The following SCN1A variants were observed in gnomAD, a reference collection of about 807,000 sequenced individuals.
The protein encoded by SCN1A is sodium voltage-gated channel alpha subunit 1, also known as sodium channel protein type 1 subunit alpha.
SCN1A carries 13 observed loss-of-function variants against 193.7 expected under a neutral mutation model. The ratio of observed to expected loss-of-function variants is 0.07; its 90% CI spans 0.04 to 0.11. The LOEUF (loss-of-function observed/expected upper bound fraction) is 0.11. Ranked by LOEUF, SCN1A falls within the 10% of genes least tolerant of loss-of-function variation. The pLI is 1.00. For synonymous variants in SCN1A, 781 were observed against 843.6 expected (o/e 0.93, Z 1.29); for missense variants, 1,432 against 2,451.1 (o/e 0.58, Z 8.78).
intron 2 of SCN1A, among the ~76,000 whole-genome samples, chr2:166,080,208 A>G (rs1432301584): frequency 6.6e-6 from 1 of 151,736 alleles, no homozygotes; most frequent in African/African-American, 2.4e-5. Context: ...ATGAAAATAC[A>G]TGTCACTAGA....
intron 2 of SCN1A, among the ~76,000 whole-genome samples, chr2:166,124,035 C>T (rs1021344758): frequency 2.0e-5 from 3 of 152,094 alleles, no homozygotes; most frequent in African/African-American, 7.2e-5. Flanking sequence ...TGTTTGCATG[C>T]CCCTCTCATC....
At chr2:166,079,611 G>C (rs1685292900) in intron 2 of SCN1A, among the ~76,000 whole-genome samples, 1 of 150,648 alleles carries the variant, frequency 6.6e-6, no homozygotes, top group Non-Finnish European at 1.5e-5. Context: ...CCATGAAGTT[G>C]TGTGAATGGA....
chr2:166,011,198 T>C lies in SCN1A; in HGVS notation c.3879+911A>G, dbSNP rs1413336308. On this transcript the variant is annotated intron_variant, in intron 22 of 28. Transcript: ENST00000674923. Reference sequence around the variant, plus strand: ...TTGCCTTTGTTCAGGGTCAAGGAAATATAATGCATTCATGATTCTTAGCTC... The same window carrying C: ...TTGCCTTTGTTCAGGGTCAAGGAAACATAATGCATTCATGATTCTTAGCTC... 2.0e-5 allele frequency among the ~76,000 whole-genome samples: 3 copies of C among 151,036 alleles called. No homozygotes were observed. In the East Asian group the frequency reaches 5.8e-4, roughly 29 times the overall value.
At chr2:166,141,319 TTATC>T (rs1692072539) in intron 1 of SCN1A, among the ~76,000 whole-genome samples, 1 of 104,990 alleles carries the variant, frequency 9.5e-6, no homozygotes, top group Non-Finnish European at 2.0e-5. Flanking sequence ...TTTTTTTTTT[TTATC>T]TTCTTTAGAA....
intron 2 of SCN1A, among the ~76,000 whole-genome samples, chr2:166,079,144 C>T (rs907234182): frequency 6.6e-6 from 1 of 151,446 alleles, no homozygotes; most frequent in African/African-American, 2.4e-5. Flanking sequence ...CTTATGTAGA[C>T]CTTCTATGTC....
upstream of SCN1A, among the ~76,000 whole-genome samples, chr2:166,128,663 C>A (rs919269094): frequency 6.6e-6 from 1 of 152,104 alleles, no homozygotes; most frequent in African/African-American, 2.4e-5. Flanking sequence ...GACTTTCAAC[C>A]CACTCTCAAT....
At chr2:166,099,005 A>G (rs886874026) in intron 2 of SCN1A, among the ~76,000 whole-genome samples, 1 of 152,216 alleles carries the variant, frequency 6.6e-6, no homozygotes, top group Non-Finnish European at 1.5e-5. Flanking sequence ...AATTAGAAAA[A>G]CTATTTGAAA....
At chr2:165,997,793 C>A (rs1690280565) in intron 26 of SCN1A, among the ~76,000 whole-genome samples, 1 of 151,016 alleles carries the variant, frequency 6.6e-6, no homozygotes, top group South Asian at 2.1e-4. Flanking sequence ...GAAAATGTTT[C>A]TTGATAATGA....
chr2:166,088,144 G>T (rs755630428), intron 2 of SCN1A, among the ~76,000 whole-genome samples: 4 of 151,714 alleles, frequency 2.6e-5, no homozygotes, highest in Non-Finnish European at 2.9e-5. Flanking sequence ...AAAATAATTG[G>T]TCAACCACCC....
At chr2:166,103,100 C>G (rs776913096) in intron 2 of SCN1A, among the ~76,000 whole-genome samples, 5 of 150,572 alleles carry the variant, frequency 3.3e-5, no homozygotes, top group Non-Finnish European at 5.9e-5. Context: ...GGTTTCTGTT[C>G]TAGAGGAGCA....
chr2:166,145,139 G>C (rs1692261230), intron 1 of SCN1A, among the ~76,000 whole-genome samples: 1 of 106,150 alleles, frequency 9.4e-6, no homozygotes, highest in Non-Finnish European at 1.9e-5. Flanking sequence ...CCTGGCCTAA[G>C]TAATTTTTTT....
intron 2 of SCN1A, among the ~76,000 whole-genome samples, chr2:166,117,133 A>G (rs1689957692): frequency 6.6e-6 from 1 of 152,198 alleles, no homozygotes; most frequent in Non-Finnish European, 1.5e-5. Context: ...ATTTATTTTC[A>G]AAAATTTGTC....
At position 166,012,184 on chromosome 2, in the gene SCN1A, A is replaced by G. The variant is rs143980709; in HGVS notation, c.3804T>C (p.Leu1268=). 2.3e-4 allele frequency: 372 copies of G among 1,610,484 alleles called. 1 individual carries two copies. The African/African-American group carries it at 4.6e-3, about 20-fold the overall frequency. ...VFTYIFILEM[L]LKWVAYGYQT... Reference sequence around the variant, plus strand: ...GATAGCCATATGCCACCCATTTTAGAAGCATTTCCAGAATGAAAATGTAAG... The same window carrying G: ...GATAGCCATATGCCACCCATTTTAGGAGCATTTCCAGAATGAAAATGTAAG... Residue 1268 remains leucine, a synonymous_variant, in exon 22 of 29, where the codon CTT becomes CTC. Coordinates refer to ENST00000674923, the MANE Select transcript of SCN1A (RefSeq NM_001165963.4).
chr2:166,047,872 T>TAA, intron 10 of SCN1A, 104 bp from the exon 11 acceptor site: 1 of 1,512,300 alleles, frequency 6.6e-7, no homozygotes, highest in Non-Finnish European at 9.1e-7. Context: ...TATTTCAAAA[T>TAA]AAAAGTTTGA....
intron 26 of SCN1A, 38 bp from the exon 27 acceptor site, chr2:165,996,155 C>T (rs201286095): frequency 7.8e-7 from 1 of 1,284,850 alleles, no homozygotes; most frequent in African/African-American, 1.5e-5. Context: ...AAAACTGTGT[C>T]CTTTTGTACA....
chr2:166,064,906 A>G lies in SCN1A; in HGVS notation c.265-6218T>C, dbSNP rs145437141. Among the ~76,000 whole-genome samples, 733 of 152,316 alleles carry G rather than the reference A, an allele frequency of 4.8e-3. 4 individuals are homozygous for G. The highest frequency in any genetic ancestry group is 7.9e-3 in the Non-Finnish European group (534 of 68,020). Reference sequence around the variant, plus strand: ...ATGATGAACAATACACAAAATGTAGAATATACTACTGGTTGGTTAAATTTA... The same window carrying G: ...ATGATGAACAATACACAAAATGTAGGATATACTACTGGTTGGTTAAATTTA... On this transcript the variant is annotated intron_variant, in intron 4 of 28. Coordinates refer to ENST00000674923, the MANE Select transcript of SCN1A (RefSeq NM_001165963.4).
chr2:166,045,219 C>T lies in SCN1A; in HGVS notation c.1486G>A (p.Glu496Lys). 1 of 1,614,148 alleles carries T rather than the reference C, an allele frequency of 6.2e-7. No homozygotes were observed. Among genetic ancestry groups the T allele is most frequent in the African/African-American group, 1.3e-5 (1 of 75,038 alleles). Residue 496 changes from glutamate (E) to lysine (K), a missense_variant, in exon 13 of 29, where the codon GAA becomes AAA. This residue lies in a region of SCN1A where 316 missense variants were observed against 362.1 expected (regional missense o/e 0.87). Coordinates refer to ENST00000674923, the MANE Select transcript of SCN1A (RefSeq NM_001165963.4). ...ASKLSSKSAK[E>K]RRNRRKKRKQ... is the part of the protein sequence containing the mutation. ...CTTTTCTTCCTCCGATTTCTTCTTT[C>T]CTTAGCACTCTTGGAACTCAACTTA... is the stretch of plus-strand genomic sequence containing the variant.
At position 165,991,392 on chromosome 2, in the gene SCN1A, A is replaced by C; in HGVS notation, c.5883T>G (p.Ile1961Met). ...TAATAGAGTTTTCATTTATTCTGTCAATTATCATGTCTTCTTTTATAAGAA... is the reference window on the plus strand; with the variant it reads ...TAATAGAGTTTTCATTTATTCTGTCCATTATCATGTCTTCTTTTATAAGAA... ...ANLLIKEDMI[I>M]DRINENSITE... Residue 1961 changes from isoleucine to methionine, a missense_variant, in exon 29 of 29, where the codon ATT (isoleucine) becomes ATG (methionine). Transcript: ENST00000674923. 6.2e-7 allele frequency: 1 copy of C among 1,613,644 alleles called. No individual in the cohort carries two copies. Among genetic ancestry groups the C allele is most frequent in the African/African-American group, 1.3e-5 (1 of 74,960 alleles).
intron 2 of SCN1A, among the ~76,000 whole-genome samples, chr2:166,108,621 G>A (rs1688954664): frequency 6.6e-6 from 1 of 152,036 alleles, no homozygotes; most frequent in Non-Finnish European, 1.5e-5. Context: ...GAGTATGATT[G>A]GTCAATTAAA....
Sources: gnomAD v4.1 joint callset for allele counts (sites outside exome capture counted in the v4.1 genomes callset) on GRCh38, gnomAD v4.1.1 for gene constraint, gnomAD v4.1.1 regional missense constraint, MANE v1.5 for transcripts, NCBI Gene and HGNC (gene_info 2026-07-23, HGNC 2026-07-21) for gene names.